Variants in GPC6 observed in about 807,000 individuals in gnomAD.
GPC6 encodes glypican 6, also known as glypican-6.
A neutral mutation model predicts 55.2 loss-of-function variants in GPC6; 14 were observed. That is an observed-to-expected ratio of 0.25 (90% CI 0.17 to 0.40). The LOEUF is 0.40. Among genes scored for constraint, GPC6 ranks in the 10% least tolerant of loss-of-function variants. The pLI is 1.00. For missense variants in GPC6, 641 were observed against 708.5 expected (o/e 0.90, Z 1.08); for synonymous variants, 278 against 259.6 (o/e 1.07, Z -0.68).
intron 3 of GPC6, among the ~76,000 whole-genome samples, chr13:93,835,458 A>G (rs1446451342): frequency 1.3e-5 from 2 of 151,822 alleles, no homozygotes; most frequent in African/African-American, 4.8e-5. Flanking sequence ...CTGTCTCAAA[A>G]AAACGTGACT....
chr13:93,516,059 A>G (rs1370517597), intron 1 of GPC6, among the ~76,000 whole-genome samples: 1 of 152,156 alleles, frequency 6.6e-6, no homozygotes, highest in Non-Finnish European at 1.5e-5. Flanking sequence ...ACATTGGTGA[A>G]AGCTCTTTCA....
At chr13:94,186,298 T>A (rs1889185286) in intron 4 of GPC6, among the ~76,000 whole-genome samples, 1 of 152,170 alleles carries the variant, frequency 6.6e-6, no homozygotes, top group African/African-American at 2.4e-5. Flanking sequence ...CACAAAGCAG[T>A]AACTATAATT....
At chr13:94,099,668 A>G (rs1389324110) in intron 4 of GPC6, among the ~76,000 whole-genome samples, 2 of 152,138 alleles carry the variant, frequency 1.3e-5, no homozygotes, top group African/African-American at 2.4e-5. Context: ...TTGCTATTTT[A>G]TCTTTTTTTA....
At chr13:94,109,204 G>A (rs1019981525) in intron 4 of GPC6, among the ~76,000 whole-genome samples, 1 of 152,202 alleles carries the variant, frequency 6.6e-6, no homozygotes, top group Non-Finnish European at 1.5e-5. Context: ...CGTTATGACT[G>A]TCATGAATGA....
intron 3 of GPC6, among the ~76,000 whole-genome samples, chr13:93,847,729 A>G (rs1302871230): frequency 6.6e-6 from 1 of 152,130 alleles, no homozygotes; most frequent in Non-Finnish European, 1.5e-5. Context: ...ATTTTTAAGT[A>G]TGCATTATGG....
chr13:94,191,746 G>T (rs1183779477), intron 4 of GPC6, among the ~76,000 whole-genome samples: 1 of 152,118 alleles, frequency 6.6e-6, no homozygotes, highest in East Asian at 1.9e-4. Flanking sequence ...TAGGGCAGAG[G>T]ATCTTCCCAT....
At chr13:94,253,456 A>C (rs142399436) in intron 4 of GPC6, among the ~76,000 whole-genome samples, 3 of 152,190 alleles carry the variant, frequency 2.0e-5, no homozygotes, top group African/African-American at 7.2e-5. Context: ...ATAAGAGAGG[A>C]GTTTCATGAA....
At chr13:93,737,402 GC>G (rs1406506174) in intron 2 of GPC6, among the ~76,000 whole-genome samples, 1 of 152,110 alleles carries the variant, frequency 6.6e-6, no homozygotes, top group Non-Finnish European at 1.5e-5. Context: ...AAGATAGATA[GC>G]CCCCGTTCTC....
intron 4 of GPC6, among the ~76,000 whole-genome samples, chr13:94,244,294 A>G (rs1362499190): frequency 6.6e-6 from 1 of 152,144 alleles, no homozygotes; most frequent in Non-Finnish European, 1.5e-5. Context: ...CATTATTTTG[A>G]TAAGAAGTGG....
At chr13:93,711,322 G>T (rs950092758) in intron 2 of GPC6, among the ~76,000 whole-genome samples, 1 of 151,610 alleles carries the variant, frequency 6.6e-6, no homozygotes, top group Non-Finnish European at 1.5e-5. Flanking sequence ...CTTGTGCAGG[G>T]GAACTCCCGT....
chr13:93,332,918 T>C (rs1879905273), intron 1 of GPC6, among the ~76,000 whole-genome samples: 1 of 152,212 alleles, frequency 6.6e-6, no homozygotes, highest in African/African-American at 2.4e-5. Context: ...CTTTTGCATA[T>C]AGATATCCAG....
intron 3 of GPC6, among the ~76,000 whole-genome samples, chr13:93,925,131 A>G (rs771047869): frequency 6.6e-6 from 1 of 152,196 alleles, no homozygotes; most frequent in African/African-American, 2.4e-5. Flanking sequence ...CAACAAACAC[A>G]TAAGTTAGGC....
intron 2 of GPC6, among the ~76,000 whole-genome samples, chr13:93,737,609 C>CT (rs1339902336): frequency 2.0e-5 from 3 of 152,000 alleles, no homozygotes; most frequent in South Asian, 2.1e-4. Flanking sequence ...CTCGGGAAAG[C>CT]TTTTTTTACA....
intron 4 of GPC6, among the ~76,000 whole-genome samples, chr13:94,234,019 G>C (rs1468949105): frequency 6.6e-6 from 1 of 152,066 alleles, no homozygotes; most frequent in African/African-American, 2.4e-5. Flanking sequence ...GGCATTTGAA[G>C]TATGAGAAAT....
intron 2 of GPC6, among the ~76,000 whole-genome samples, chr13:93,796,597 C>T (rs543426369): frequency 6.6e-6 from 1 of 152,154 alleles, no homozygotes; most frequent in South Asian, 2.1e-4. Context: ...TTTTCCAATC[C>T]TAGAGGGATT....
At chr13:93,307,576 T>C (rs1240263002) in intron 1 of GPC6, among the ~76,000 whole-genome samples, 1 of 152,146 alleles carries the variant, frequency 6.6e-6, no homozygotes, top group Admixed American at 6.5e-5. Context: ...TTAGATTGGC[T>C]CTTTCTATTA....
At chr13:94,270,660 A>C (rs1345203121) in intron 4 of GPC6, among the ~76,000 whole-genome samples, 1 of 152,238 alleles carries the variant, frequency 6.6e-6, no homozygotes, top group African/African-American at 2.4e-5. Flanking sequence ...AAGTTTTAAA[A>C]ATCTAATAAA....
intron 2 of GPC6, among the ~76,000 whole-genome samples, chr13:93,733,843 G>A (rs1883908459): frequency 6.6e-6 from 1 of 152,190 alleles, no homozygotes; most frequent in Admixed American, 6.5e-5. Flanking sequence ...AATGGTTGAC[G>A]AAGAGGCAGG....
chr13:94,046,232 G>A (rs1883728328), intron 4 of GPC6, among the ~76,000 whole-genome samples: 1 of 152,020 alleles, frequency 6.6e-6, no homozygotes, highest in African/African-American at 2.4e-5. Flanking sequence ...TGTATAAAAT[G>A]TTGCACACAG....
Sources: allele counts gnomAD v4.1 joint callset (sites outside exome capture counted in the v4.1 genomes callset), GRCh38; gene constraint gnomAD v4.1.1; transcripts MANE v1.5; gene names NCBI Gene and HGNC (gene_info 2026-07-23, HGNC 2026-07-21).